Variants in UNC79 observed in about 807,000 individuals in gnomAD.
UNC79 encodes the protein protein unc-79 homolog.
In UNC79, 37 loss-of-function variants were observed where a neutral mutation model predicts 283.1. That is an observed-to-expected ratio of 0.13 (90% CI 0.10 to 0.17). The LOEUF (loss-of-function observed/expected upper bound fraction) is 0.17, where lower values mean the gene tolerates loss of function less well. UNC79 is among the 10% of genes least tolerant of loss of function. The pLI, the probability that UNC79 is intolerant of heterozygous loss-of-function variation, is 1.00. For missense variants in UNC79, 2,272 were observed against 3,211.1 expected, an observed-to-expected ratio of 0.71 and a Z score of 7.07; for synonymous variants, 1,107 against 1,200.2, an observed-to-expected ratio of 0.92 and a Z score of 1.61.
intron 7 of UNC79, among the ~76,000 whole-genome samples, chr14:93,523,732 A>G (rs963880214): frequency 6.6e-6 from 1 of 152,124 alleles, no homozygotes; most frequent in Non-Finnish European, 1.5e-5. Context: ...AAACTTATTA[A>G]TGGCATACCA....
intron 1 of UNC79, among the ~76,000 whole-genome samples, chr14:93,386,551 C>G (rs1266533263): frequency 6.6e-6 from 1 of 152,106 alleles, no homozygotes; most frequent in Non-Finnish European, 1.5e-5. Context: ...GGTATTAGTT[C>G]TTCTTTAAAT....
intron 7 of UNC79, among the ~76,000 whole-genome samples, chr14:93,512,157 A>G (rs963234686): frequency 1.3e-5 from 2 of 152,062 alleles, no homozygotes; most frequent in East Asian, 1.9e-4. Flanking sequence ...TTTTGTTTTG[A>G]TATCTATGGT....
chr14:93,591,701 T>G (rs184537121), intron 22 of UNC79, among the ~76,000 whole-genome samples: 7 of 152,374 alleles, frequency 4.6e-5, no homozygotes, highest in Non-Finnish European at 4.4e-5. Context: ...GTCGTGACTT[T>G]TGTCTGCTTT....
chr14:93,598,409 T>TGTGTGTGTGTGTGG (rs1266068455), intron 24 of UNC79, among the ~76,000 whole-genome samples: 1 of 38,904 alleles, frequency 2.6e-5, no homozygotes, highest in Admixed American at 3.8e-4. Flanking sequence ...TGTGTGTGTG[T>TGTGTGTGTGTGTGG]GGCAGATTTT....
At chr14:93,682,049 G>C (rs945855197) in intron 41 of UNC79, among the ~76,000 whole-genome samples, 7 of 152,316 alleles carry the variant, frequency 4.6e-5, no homozygotes, top group African/African-American at 9.6e-5. Context: ...GTCTGACGTG[G>C]TGACTGTTAC....
intron 1 of UNC79, among the ~76,000 whole-genome samples, chr14:93,457,722 A>T (rs1028780742): frequency 1.3e-5 from 2 of 152,254 alleles, no homozygotes; most frequent in South Asian, 2.1e-4. Context: ...ACTGGGTGTC[A>T]TGTGGAAAAA....
intron 24 of UNC79, among the ~76,000 whole-genome samples, chr14:93,598,384 GTGT>G (rs747176989): frequency 6.6e-6 from 1 of 151,690 alleles, no homozygotes; most frequent in African/African-American, 2.4e-5. Context: ...GTGTGTGTGT[GTGT>G]GTGTGTGTGT....
chr14:93,408,208 A>G (rs1212418287), intron 1 of UNC79, among the ~76,000 whole-genome samples: 1 of 152,226 alleles, frequency 6.6e-6, no homozygotes, highest in East Asian at 1.9e-4. Context: ...GGGCTCTAAT[A>G]GAGAAAGTGG....
At chr14:93,654,533 C>G (rs2070701283) in intron 37 of UNC79, among the ~76,000 whole-genome samples, 1 of 148,092 alleles carries the variant, frequency 6.8e-6, no homozygotes, top group Non-Finnish European at 1.5e-5. Context: ...ACCCCCAACT[C>G]AAAAGAAAAA....
intron 2 of UNC79, among the ~76,000 whole-genome samples, chr14:93,472,412 T>G (rs1232355620): frequency 6.6e-6 from 1 of 152,084 alleles, no homozygotes; most frequent in Non-Finnish European, 1.5e-5. Flanking sequence ...CATTGTAAAG[T>G]ATAAGCTTAC....
chr14:93,345,147 G>A (rs950841987), intron 1 of UNC79, among the ~76,000 whole-genome samples: 2 of 152,096 alleles, frequency 1.3e-5, no homozygotes, highest in Non-Finnish European at 2.9e-5. Context: ...TCCATCATAC[G>A]AGGACACAAC....
intron 1 of UNC79, among the ~76,000 whole-genome samples, chr14:93,350,968 C>T (rs1365728246): frequency 6.6e-6 from 1 of 152,200 alleles, no homozygotes; most frequent in Non-Finnish European, 1.5e-5. Flanking sequence ...TCAATGTAAT[C>T]AGGAATTTCT....
upstream of UNC79, among the ~76,000 whole-genome samples, chr14:93,427,468 C>T (rs929491317): frequency 6.6e-6 from 1 of 152,082 alleles, no homozygotes; most frequent in African/African-American, 2.4e-5. Context: ...TGGAAATAGA[C>T]ATATATGGTG....
chr14:93,537,783 T>C (rs570551843), intron 11 of UNC79, among the ~76,000 whole-genome samples: 1 of 152,362 alleles, frequency 6.6e-6, no homozygotes, highest in Admixed American at 6.5e-5. Flanking sequence ...TTTCTACTAC[T>C]CACAGGAATA....
rs5810632 is a variant in UNC79, at chr14:93,532,303, C to CAA, written c.1094-230_1094-229dup. Among the ~76,000 whole-genome samples, 1,174 of 127,500 alleles carry CAA rather than the reference C, an allele frequency of 9.2e-3. 19 individuals carry two copies. Among genetic ancestry groups the CAA allele is most frequent in the African/African-American group, 0.02 (670 of 34,144 alleles). The allele number at this position is 127,500 out of a possible 152,430, so 83.6% of individuals were successfully genotyped here. On this transcript the variant is annotated intron_variant, in intron 10 of 48. Coordinates refer to ENST00000555664, the Ensembl canonical transcript of UNC79. ...GAAACATAGTAAGACCCCATGTCTA[C>CAA]AAAAAAAAAAAAAAAAAATTAGCTG...
chr14:93,624,453 G>A (rs2067391574), intron 30 of UNC79, among the ~76,000 whole-genome samples: 1 of 152,114 alleles, frequency 6.6e-6, no homozygotes, highest in South Asian at 2.1e-4. Context: ...AAATGATAGA[G>A]GTCTATAGGG....
intron 13 of UNC79, among the ~76,000 whole-genome samples, chr14:93,542,004 C>CA (rs745650977): frequency 0.039 from 2,274 of 58,652 alleles, 49 homozygotes; most frequent in Non-Finnish European, 0.049. Context: ...GACTCCATCT[C>CA]AAAAAAAAAA....
At chr14:93,603,492 T>G in intron 26 of UNC79, 74 bp downstream of exon 26, 1 of 1,521,064 alleles carries the variant, frequency 6.6e-7, no homozygotes, top group Non-Finnish European at 8.9e-7. Context: ...TTGTTGAATG[T>G]TCACAGAGAG....
In UNC79 at chr14:93,545,862, G is replaced by C. The variant is rs975715540; in HGVS notation, c.1755+3166G>C. ...ATTGCTCAAATCAGTCTCATCAAAG[G>C]CTTGTAGGTTAGGGGTTTCTCAAAG... On this transcript the variant is annotated intron_variant, in intron 14 of 48. Coordinates refer to ENST00000555664, the Ensembl canonical transcript of UNC79. 2.0e-5 allele frequency among the ~76,000 whole-genome samples: 3 copies of C among 152,162 alleles called. No homozygotes were observed. In the East Asian group the frequency reaches 5.8e-4, roughly 29 times the overall value.
Sources: allele counts gnomAD v4.1 joint callset (sites outside exome capture counted in the v4.1 genomes callset), GRCh38; gene constraint gnomAD v4.1.1; transcripts MANE v1.5; gene names NCBI Gene and HGNC (gene_info 2026-07-23, HGNC 2026-07-21).